ZNF536: variants seen among roughly 807,000 people sequenced by gnomAD.
ZNF536 encodes the protein zinc finger protein 536.
ZNF536 carries 13 observed loss-of-function variants against 84.5 expected under a neutral mutation model. The observed-to-expected ratio is 0.15, with a 90% confidence interval of 0.10 to 0.24. ZNF536 has a LOEUF of 0.24. ZNF536 is among the 10% of genes least tolerant of loss of function. ZNF536 has a pLI of 1.00. For missense variants in ZNF536, 1,536 were observed against 1,747.5 expected (o/e 0.88, Z 2.16); for synonymous variants, 811 against 742.5 (o/e 1.09, Z -1.50).
intron 2 of ZNF536, among the ~76,000 whole-genome samples, chr19:30,450,243 T>G (rs767641770): frequency 7.9e-5 from 12 of 152,152 alleles, no homozygotes; most frequent in Non-Finnish European, 1.5e-4. Flanking sequence ...ATTCGCTGGT[T>G]GCTTGGCCCA....
chr19:30,415,770 C>G (rs1188808570), intron 1 of ZNF536, among the ~76,000 whole-genome samples: 3 of 152,034 alleles, frequency 2.0e-5, no homozygotes, highest in Non-Finnish European at 4.4e-5. Flanking sequence ...ACCACCGTGC[C>G]CGGCTAATTT....
At chr19:30,333,595 T>C (rs1173036433) in intron 2 of ZNF536, among the ~76,000 whole-genome samples, 1 of 152,184 alleles carries the variant, frequency 6.6e-6, no homozygotes, top group Non-Finnish European at 1.5e-5. Flanking sequence ...CTGGCCTGCC[T>C]GAGGCCCAGG....
chr19:30,482,978 A>ACAC (rs2054150059), intron 2 of ZNF536, among the ~76,000 whole-genome samples: 1 of 151,978 alleles, frequency 6.6e-6, no homozygotes, highest in Non-Finnish European at 1.5e-5. Flanking sequence ...GAGCCTGGGG[A>ACAC]CACCACTCCT....
At chr19:30,339,658 C>T (rs941358263) in intron 2 of ZNF536, among the ~76,000 whole-genome samples, 1 of 152,138 alleles carries the variant, frequency 6.6e-6, no homozygotes, top group Non-Finnish European at 1.5e-5. Flanking sequence ...GTGAGGGTTG[C>T]CCTCTGGGGG....
upstream of ZNF536, among the ~76,000 whole-genome samples, chr19:30,227,254 G>A (rs912403944): frequency 2.0e-5 from 3 of 152,156 alleles, no homozygotes; most frequent in African/African-American, 7.2e-5. Flanking sequence ...GGGGACAGGT[G>A]GAAAGTTAAG....
At chr19:30,672,661 T>C (rs2050601564) in intron 1 of ZNF536, among the ~76,000 whole-genome samples, 1 of 152,182 alleles carries the variant, frequency 6.6e-6, no homozygotes, top group Admixed American at 6.5e-5. Context: ...AACAAACACA[T>C]CAAATTCTCT....
chr19:30,482,615 C>T (rs2054135038), intron 2 of ZNF536, among the ~76,000 whole-genome samples: 1 of 151,842 alleles, frequency 6.6e-6, no homozygotes, highest in Non-Finnish European at 1.5e-5. Flanking sequence ...TAAAAATATT[C>T]CTTCATTATA....
chr19:30,702,908 A>C (rs1258310854), intron 1 of ZNF536, among the ~76,000 whole-genome samples: 7 of 152,128 alleles, frequency 4.6e-5, no homozygotes, highest in African/African-American at 1.7e-4. Flanking sequence ...CCCCAAAATA[A>C]AAGCTCAGTC....
chr19:30,538,509 G>T (rs2145997786), intron 3 of ZNF536, among the ~76,000 whole-genome samples: 1 of 152,264 alleles, frequency 6.6e-6, no homozygotes, highest in South Asian at 2.1e-4. Context: ...TGTTGGAGAG[G>T]TGCTGACTAG....
At chr19:30,498,557 A>G (rs557999729) in intron 2 of ZNF536, among the ~76,000 whole-genome samples, 1 of 152,290 alleles carries the variant, frequency 6.6e-6, no homozygotes, top group South Asian at 2.1e-4. Flanking sequence ...TGCCTATGTA[A>G]CAAACCTGCA....
At chr19:30,346,579 A>G (rs974407408) in intron 2 of ZNF536, among the ~76,000 whole-genome samples, 3 of 152,142 alleles carry the variant, frequency 2.0e-5, no homozygotes, top group African/African-American at 7.2e-5. Context: ...CTTATAAGTG[A>G]GTGAGAACAT....
chr19:30,335,136 C>T (rs1470690141), intron 2 of ZNF536, among the ~76,000 whole-genome samples: 2 of 152,136 alleles, frequency 1.3e-5, no homozygotes, highest in Non-Finnish European at 2.9e-5. Context: ...AGGAGGCAGA[C>T]GTGGCCAGAG....
intron 1 of ZNF536, among the ~76,000 whole-genome samples, chr19:30,599,062 TCCC>T (rs2047578271): frequency 8.5e-6 from 1 of 117,084 alleles, no homozygotes; most frequent in African/African-American, 3.3e-5. Context: ...CCATCTCTCC[TCCC>T]TCCCTCCCTG....
intron 1 of ZNF536, among the ~76,000 whole-genome samples, chr19:30,642,648 A>T (rs935716842): frequency 2.6e-5 from 4 of 152,162 alleles, no homozygotes; most frequent in African/African-American, 7.2e-5. Context: ...TGATCATCAG[A>T]AGTGCCTGCA....
At chr19:30,663,045 G>C (rs1357302315) in intron 1 of ZNF536, among the ~76,000 whole-genome samples, 1 of 132,524 alleles carries the variant, frequency 7.5e-6, no homozygotes, top group Non-Finnish European at 1.5e-5. Context: ...ACTTTGTCCT[G>C]CTTCTCCATG....
intron 2 of ZNF536, among the ~76,000 whole-genome samples, chr19:30,326,377 C>A (rs902116935): frequency 6.6e-6 from 1 of 152,144 alleles, no homozygotes; most frequent in Admixed American, 6.5e-5. Context: ...GAAAAGGGTG[C>A]GGGAGACAGG....
At chr19:30,656,180 C>T (rs2049905831) in intron 1 of ZNF536, among the ~76,000 whole-genome samples, 1 of 152,188 alleles carries the variant, frequency 6.6e-6, no homozygotes, top group Admixed American at 6.5e-5. Flanking sequence ...CTCTCCAGTG[C>T]TGTCCTTGGT....
chr19:30,534,463 A>G (rs1243949024), intron 2 of ZNF536, among the ~76,000 whole-genome samples: 4 of 152,238 alleles, frequency 2.6e-5, no homozygotes, highest in Non-Finnish European at 5.9e-5. Flanking sequence ...TTTCAGTCCC[A>G]TAGTGAACTC....
In ZNF536 at chr19:30,379,856, T is replaced by G. The variant is rs557442684; in HGVS notation, c.-3+7300T>G. Among the ~76,000 whole-genome samples, 5 of 152,292 alleles carry G rather than the reference T, an allele frequency of 3.3e-5. No individual in the cohort carries two copies. The South Asian group carries it at 1.0e-3, about 32-fold the overall frequency. ...GCCCGTCACTCAGGAGCTTTCTCTG[T>G]GCCAGGCACTGTGCTAAGTGCCCTA... On this transcript the variant is annotated intron_variant, in intron 1 of 4. Coordinates refer to ENST00000355537, the MANE Select transcript of ZNF536 (RefSeq NM_014717.3).
Sources: gnomAD v4.1 joint callset for allele counts (sites outside exome capture counted in the v4.1 genomes callset) on GRCh38, gnomAD v4.1.1 for gene constraint, MANE v1.5 for transcripts, NCBI Gene and HGNC (gene_info 2026-07-23, HGNC 2026-07-21) for gene names.